The following YTHDC2 variants were observed in gnomAD, a reference collection of about 807,000 sequenced individuals.
YTHDC2 encodes YTH N6-methyladenosine RNA binding protein C2.
A neutral mutation model predicts 174.9 loss-of-function variants in YTHDC2; 45 were observed. The ratio of observed to expected loss-of-function variants is 0.26; its 90% confidence interval spans 0.20 to 0.33. YTHDC2 has a LOEUF of 0.33. Ranked by LOEUF, YTHDC2 falls within the 10% of genes least tolerant of loss-of-function variation. The pLI is 1.00. For missense variants in YTHDC2, 1,650 were observed against 1,723.7 expected (o/e 0.96, Z 0.76); for synonymous variants, 657 against 574.5 (o/e 1.14, Z -2.05).
chr5:113,558,547 A>G (rs1276182380), intron 17 of YTHDC2, among the ~76,000 whole-genome samples: 1 of 152,204 alleles, frequency 6.6e-6, no homozygotes, highest in East Asian at 1.9e-4. Context: ...GATGTCATCC[A>G]GGTTTCTGTC....
At chr5:113,566,137 G>A (rs904204583) in intron 21 of YTHDC2, 118 bp downstream of exon 21, 3 of 1,186,644 alleles carry the variant, frequency 2.5e-6, no homozygotes, top group African/African-American at 3.1e-5. Flanking sequence ...ATCATGTTGT[G>A]TATCTTATAT....
intron 2 of YTHDC2, among the ~76,000 whole-genome samples, chr5:113,516,464 G>C (rs1773432933): frequency 6.6e-6 from 1 of 152,152 alleles, no homozygotes; most frequent in African/African-American, 2.4e-5. Flanking sequence ...TAAGGATGGT[G>C]GGATCAATGT....
At position 113,591,239 on chromosome 5, in the gene YTHDC2, T is replaced by G; in HGVS notation, c.4024T>G (p.Phe1342Val). The G allele has an allele frequency of 6.2e-7, 1 of 1,613,752 alleles. No individual in the cohort carries two copies. Among genetic ancestry groups the G allele is most frequent in the Non-Finnish European group, 8.5e-7 (1 of 1,179,758 alleles). Residue 1342 changes from phenylalanine (F) to valine (V), a missense_variant, in exon 27 of 30, where the codon TTC (phenylalanine) becomes GTC (valine). Transcript: ENST00000161863. ...ATTTTCTGTTCAAGGATCTGGACAT[T>G]TCCAGGTGAGCCACCCTGAATCAGT... The part of the protein sequence containing the change: ...LVFSVQGSGH[F>V]QGFSRMSSEI...
At chr5:113,544,186 G>C (rs549856021) in intron 10 of YTHDC2, among the ~76,000 whole-genome samples, 1 of 152,056 alleles carries the variant, frequency 6.6e-6, no homozygotes, top group Non-Finnish European at 1.5e-5. Context: ...GTCTCTCTCT[G>C]TCATCAGGCT....
In YTHDC2 at chr5:113,513,842, T is replaced by C. The variant is rs1282711622; in HGVS notation, c.-54T>C. On this transcript the variant is annotated 5_prime_UTR_variant, in exon 1 of 30. Coordinates refer to ENST00000161863, the MANE Select transcript of YTHDC2 (RefSeq NM_022828.5). ...GATTCCCACGGTCTTTGTCATTGGC[T>C]GTCAGCTAGCAGGCCTGGCCGCTCC... The C allele has an allele frequency of 3.3e-6, 5 of 1,517,400 alleles. No individual in the cohort carries two copies. Among genetic ancestry groups the C allele is most frequent in the Non-Finnish European group, 3.5e-6 (4 of 1,136,696 alleles). 94.0% of individuals were successfully genotyped at this position (1,517,400 alleles called of 1,614,324 possible).
chr5:113,587,787 T>C (rs1778775403), intron 26 of YTHDC2, among the ~76,000 whole-genome samples: 1 of 151,456 alleles, frequency 6.6e-6, no homozygotes, highest in Non-Finnish European at 1.5e-5. Context: ...GCTTATCAGT[T>C]TCTGCAGAAA....
chr5:113,572,312 G>C (rs1777777531), intron 23 of YTHDC2, among the ~76,000 whole-genome samples: 2 of 152,218 alleles, frequency 1.3e-5, no homozygotes, highest in African/African-American at 4.8e-5. Context: ...GTTCTAATTT[G>C]ATTGTGCTGT....
At chr5:113,566,051 G>C in intron 21 of YTHDC2, 32 bp downstream of exon 21, 1 of 1,572,722 alleles carries the variant, frequency 6.4e-7, no homozygotes, top group East Asian at 2.3e-5. Flanking sequence ...GCCTATTTAA[G>C]TTACTGAGAG....
chr5:113,561,233 T>G, intron 18 of YTHDC2, 48 bp downstream of exon 18: 1 of 1,454,696 alleles, frequency 6.9e-7, no homozygotes, highest in Non-Finnish European at 9.5e-7. Context: ...GTGAGGGAAG[T>G]GAGGGGCCAT....
chr5:113,589,408 A>AAAAATATAT (rs368975720), intron 26 of YTHDC2, among the ~76,000 whole-genome samples: 8 of 123,262 alleles, frequency 6.5e-5, no homozygotes, highest in African/African-American at 2.7e-4. Flanking sequence ...AAAAAAAAAA[A>AAAAATATAT]ATATATATAT....
rs1007583487 is a variant in YTHDC2 at position 113,513,788 on chromosome 5, G to A, written c.-108G>A. The A allele has an allele frequency of 4.3e-5, 56 of 1,294,574 alleles. 1 individual carries two copies. In the Admixed American group the frequency reaches 1.1e-3, roughly 26 times the overall value. 80.2% of individuals were successfully genotyped at this position (1,294,574 alleles called of 1,614,324 possible). A position where few individuals can be genotyped will look rare whatever the true frequency, so the allele number is the denominator to read the frequency against. On this transcript the variant is annotated 5_prime_UTR_variant, in exon 1 of 30. Coordinates refer to ENST00000161863, the MANE Select transcript of YTHDC2 (RefSeq NM_022828.5). The stretch of plus-strand genomic sequence containing the variant: ...TGGTGACCTCAGCCCAACACAGGCC[G>A]TCTCCGGAGCTTCCCGGTAGTGGCC...
intron 17 of YTHDC2, among the ~76,000 whole-genome samples, chr5:113,557,211 G>C (rs1776668912): frequency 6.6e-6 from 1 of 151,950 alleles, no homozygotes; most frequent in South Asian, 2.1e-4. Context: ...TTTGTAATTT[G>C]GTTATTTTAC....
chr5:113,521,449 G>C (rs1214656712), intron 2 of YTHDC2, among the ~76,000 whole-genome samples: 1 of 152,134 alleles, frequency 6.6e-6, no homozygotes, highest in African/African-American at 2.4e-5. Flanking sequence ...CAGAAAAATA[G>C]GCTGGGCGCA....
At chr5:113,556,861 ATAATG>A (rs1289236195) in intron 17 of YTHDC2, among the ~76,000 whole-genome samples, 1 of 152,222 alleles carries the variant, frequency 6.6e-6, no homozygotes, top group African/African-American at 2.4e-5. Flanking sequence ...ATTGTTTATA[ATAATG>A]TAAAGTCTGG....
In YTHDC2 at chr5:113,548,452, C is replaced by G. The variant is rs953457222; in HGVS notation, c.1496-89C>G. ...CTCTCAGGCTAATTATCCTGAAACT[C>G]AGTTCTGCTATTTCAGATTTTTTAA... On this transcript the variant is annotated intron_variant, in intron 10 of 29. Transcript: ENST00000161863. The G allele has an allele frequency of 6.9e-6, 9 of 1,294,996 alleles. No homozygotes were observed. The African/African-American group carries it at 9.0e-5, about 13-fold the overall frequency. 80.2% of individuals were successfully genotyped at this position (1,294,996 alleles called of 1,614,324 possible). A position where few individuals can be genotyped will look rare whatever the true frequency, so the allele number is the denominator to read the frequency against.
At chr5:113,532,330 T>C (rs962025360) in intron 4 of YTHDC2, among the ~76,000 whole-genome samples, 15 of 152,180 alleles carry the variant, frequency 9.9e-5, no homozygotes, top group East Asian at 1.9e-4. Context: ...GGAGAAGATA[T>C]AAGGGCATTG....
intron 25 of YTHDC2, chr5:113,583,690 G>A (rs1778523509): frequency 6.6e-6 from 1 of 152,220 alleles, no homozygotes; most frequent in African/African-American, 2.4e-5. Context: ...CACCATGTTA[G>A]TCAGGCTGGT....
intron 2 of YTHDC2, among the ~76,000 whole-genome samples, chr5:113,520,205 C>T (rs1268470900): frequency 2.0e-5 from 3 of 152,254 alleles, no homozygotes; most frequent in East Asian, 3.9e-4. Flanking sequence ...CCAGCTTCAT[C>T]GATGTCCCCG....
At position 113,587,526 on chromosome 5, in the gene YTHDC2, T is replaced by A. The variant is rs759239977; in HGVS notation, c.3825+3047T>A. 1.7e-4 allele frequency among the ~76,000 whole-genome samples: 23 copies of A among 138,358 alleles called. 1 individual carries two copies. Among genetic ancestry groups the A allele is most frequent in the Non-Finnish European group, 3.4e-4 (22 of 65,220 alleles). The allele number at this position is 138,358 out of a possible 152,430, so 90.8% of individuals were successfully genotyped here. A position where few individuals can be genotyped will look rare whatever the true frequency, so the allele number is the denominator to read the frequency against. On this transcript the variant is annotated intron_variant, in intron 26 of 29. Transcript: ENST00000161863. ...TAATGTATTTATATGTAATATATAT[T>A]ATGTATTTATATATTAATATATTGT...
Sources: gnomAD v4.1 joint callset for allele counts (sites outside exome capture counted in the v4.1 genomes callset) on GRCh38, gnomAD v4.1.1 for gene constraint, MANE v1.5 for transcripts, NCBI Gene and HGNC (gene_info 2026-07-23, HGNC 2026-07-21) for gene names.